MRE11: variants seen among roughly 807,000 people sequenced by gnomAD.
MRE11 encodes MRE11 double strand break repair nuclease.
In MRE11, 62 loss-of-function variants were observed where a neutral mutation model predicts 91.7. That is an observed-to-expected ratio of 0.68 (90% CI 0.55 to 0.84). The LOEUF (loss-of-function observed/expected upper bound fraction) is 0.84. Ranked by LOEUF, MRE11 falls within the 40% of genes least tolerant of loss-of-function variation. The probability of loss-of-function intolerance (pLI) is 0.00; values close to 1 mark genes in which losing one functional copy is unlikely to be tolerated. For synonymous variants in MRE11, 273 were observed against 271.4 expected, an observed-to-expected ratio of 1.01 and a Z score of -0.06; for missense variants, 796 against 852.9, an observed-to-expected ratio of 0.93 and a Z score of 0.83.
the MRE11 span, among the ~76,000 whole-genome samples, chr11:94,501,540 A>G: frequency 3.9e-5 from 6 of 152,208 alleles, no homozygotes; most frequent in East Asian, 5.8e-4. Flanking sequence ...TTTTTGCAGT[A>G]AGTCTTCAAA....
rs1239732918 is a variant in MRE11, at chr11:94,462,011, C to A, written c.1226-975G>T. Among the ~76,000 whole-genome samples the A allele has an allele frequency of 2.0e-5, 3 of 152,056 alleles. No homozygotes were observed. In the South Asian group the frequency reaches 6.2e-4, roughly 31 times the overall value. ...AATGGCGTGAACCTGGGAGGCGGAG[C>A]TTACAGTGAGCTGAGATCACGCCAC... On this transcript the variant is annotated intron_variant, in intron 11 of 19. Transcript: ENST00000323929.
the MRE11 span, among the ~76,000 whole-genome samples, chr11:94,500,846 C>G: frequency 2.6e-5 from 4 of 152,246 alleles, no homozygotes; most frequent in African/African-American, 9.6e-5. Flanking sequence ...TAACACTATG[C>G]TGGAAAATCA....
Position 94,471,648 on chromosome 11 carries a change from T to C in MRE11, c.771A>G (p.Glu257=), listed in dbSNP as rs13447632. The C allele has an allele frequency of 5.8e-4, 942 of 1,612,938 alleles. 4 individuals are homozygous for C. In the African/African-American group the frequency reaches 9.6e-3, roughly 16 times the overall value. ...HECKIAPTKN[E]QQLFYISQPG... ...GTTGTGAGATATAAAACAGCTGTTGTTCATTTTTGGTTGGAGCTATTTTAC... is the reference window on the plus strand; with the variant it reads ...GTTGTGAGATATAAAACAGCTGTTGCTCATTTTTGGTTGGAGCTATTTTAC... Residue 257 remains glutamate (E), a synonymous_variant, in exon 8 of 20, where the codon GAA becomes GAG. Transcript: ENST00000323929.
Position 94,437,161 on chromosome 11 carries a change from A to G in MRE11, c.1926+16T>C. ...CATAAATTATTAATACACAACCATA[A>G]AACTTTTTTTCTTACCTCTGAATAA... On this transcript the variant is annotated intron_variant, in intron 17 of 19. Transcript: ENST00000323929. The G allele has an allele frequency of 6.2e-7, 1 of 1,606,310 alleles. No individual in the cohort carries two copies. Among genetic ancestry groups the G allele is most frequent in the Non-Finnish European group, 8.5e-7 (1 of 1,174,158 alleles).
intron 19 of MRE11, among the ~76,000 whole-genome samples, chr11:94,421,180 T>C (rs1945161903): frequency 6.6e-6 from 1 of 152,234 alleles, no homozygotes; most frequent in East Asian, 1.9e-4. Context: ...TTTATGAAGA[T>C]AAAACCAATT....
In MRE11 at chr11:94,416,623, A is replaced by G. The variant is rs1367176070; in HGVS notation, c.*3502T>C. The G allele has an allele frequency of 6.6e-6, 1 of 151,358 alleles. No individual in the cohort carries two copies. The highest frequency in any genetic ancestry group is 1.5e-5 in the Non-Finnish European group (1 of 67,916). 9.4% of individuals were successfully genotyped at this position (151,358 alleles called of 1,614,324 possible). ...CACTTTGGGAGGCTGAGGTGGGTGG[A>G]TCACAAGGTCAGGAGATCGAGACCA... On this transcript the variant is annotated 3_prime_UTR_variant, in exon 20 of 20. Coordinates refer to ENST00000323929, the MANE Select transcript of MRE11 (RefSeq NM_005591.4).
intron 19 of MRE11, among the ~76,000 whole-genome samples, chr11:94,424,702 A>G: frequency 6.6e-6 from 1 of 152,220 alleles, no homozygotes; most frequent in East Asian, 1.9e-4. Context: ...TCATAATACA[A>G]CTGAAAGTAT....
chr11:94,450,250 A>G (rs1320539567), intron 14 of MRE11, among the ~76,000 whole-genome samples: 1 of 152,192 alleles, frequency 6.6e-6, no homozygotes, highest in Admixed American at 6.5e-5. Flanking sequence ...CTAATTTTGT[A>G]TTTCCCCTAG....
intron 14 of MRE11, 140 bp downstream of exon 14, chr11:94,456,136 C>G (rs1946242882): frequency 2.8e-6 from 2 of 708,184 alleles, no homozygotes; most frequent in Non-Finnish European, 4.9e-6. Flanking sequence ...CTGAAATCAA[C>G]CAAAAGCAGC....
At position 94,482,343 on chromosome 11, in the gene MRE11, T is replaced by C. The variant is rs371063125; in HGVS notation, c.315-2582A>G. Among the ~76,000 whole-genome samples the C allele has an allele frequency of 1.8e-4, 28 of 152,326 alleles. 2 individuals are homozygous for C. The highest frequency in any genetic ancestry group is 5.8e-4 in the African/African-American group (24 of 41,568). The stretch of plus-strand genomic sequence containing the variant: ...ACAGAACCAGGATTTGAACTCCAGC[T>C]GTTTTATACCGGAACCCATGCTCTT... On this transcript the variant is annotated intron_variant, in intron 4 of 19. Coordinates refer to ENST00000323929, the MANE Select transcript of MRE11 (RefSeq NM_005591.4).
rs1234342608 is a variant in MRE11, at chr11:94,419,845, T to G, written c.*280A>C. 3 of 276,046 alleles carry G rather than the reference T, an allele frequency of 1.1e-5. No homozygotes were observed. The South Asian group carries it at 2.9e-4, about 27-fold the overall frequency. The allele number at this position is 276,046 out of a possible 1,614,324, so 17.1% of individuals were successfully genotyped here. A position where few individuals can be genotyped will look rare whatever the true frequency, so the allele number is the denominator to read the frequency against. ...CAACTTTGGCTAAATGTAACCATAT[T>G]AAAATACTGACATAGTTTTTCATTA... On this transcript the variant is annotated 3_prime_UTR_variant, in exon 20 of 20. Coordinates refer to ENST00000323929, the MANE Select transcript of MRE11 (RefSeq NM_005591.4).
intron 14 of MRE11, among the ~76,000 whole-genome samples, chr11:94,452,417 C>A (rs1291704216): frequency 6.6e-6 from 1 of 151,932 alleles, no homozygotes; most frequent in Non-Finnish European, 1.5e-5. Flanking sequence ...TAATACATCA[C>A]GATGGTAAAG....
intron 19 of MRE11, among the ~76,000 whole-genome samples, chr11:94,427,839 A>T (rs770049204): frequency 1.3e-5 from 2 of 152,188 alleles, no homozygotes; most frequent in Non-Finnish European, 2.9e-5. Flanking sequence ...CTAACCAAGG[A>T]GGTGAAAGAT....
chr11:94,417,129 AC>A lies in MRE11; in HGVS notation c.*2995del, dbSNP rs1945049520. On this transcript the variant is annotated 3_prime_UTR_variant, in exon 20 of 20. Transcript: ENST00000323929. ...GTAGCTAAGATTACAGGCACACACC[AC>A]CATGCCCAGCTAATCTTTTGTATTT... is the stretch of plus-strand genomic sequence containing the variant. 1 of 159,076 alleles carries A rather than the reference AC, an allele frequency of 6.3e-6. No individual in the cohort carries two copies. The highest frequency in any genetic ancestry group is 6.5e-5 in the Admixed American group (1 of 15,406). 9.9% of individuals were successfully genotyped at this position (159,076 alleles called of 1,614,324 possible). A position where few individuals can be genotyped will look rare whatever the true frequency, so the allele number is the denominator to read the frequency against.
intron 7 of MRE11, 71 bp from the exon 8 acceptor site, chr11:94,471,830 T>A (rs1479632644): frequency 8.3e-7 from 1 of 1,200,012 alleles, no homozygotes; most frequent in Non-Finnish European, 1.2e-6. Context: ...TCTATACAGA[T>A]CTTTCTTTCT....
chr11:94,457,893 A>T (rs1288507009), intron 13 of MRE11, among the ~76,000 whole-genome samples: 2 of 144,274 alleles, frequency 1.4e-5, no homozygotes, highest in Admixed American at 7.1e-5. Flanking sequence ...TCTCTCACAC[A>T]CACACACACA....
rs375401639 is a variant in MRE11, at chr11:94,471,566, A to G, written c.845+8T>C. ...CTTAAAAATTGGCTCAAAATATATA[A>G]CACTCACTTCTTTACAGCTTCTCCT... On this transcript the variant is annotated splice_region_variant and intron_variant, in intron 8 of 19. Coordinates refer to ENST00000323929, the MANE Select transcript of MRE11 (RefSeq NM_005591.4). 22 of 1,611,710 alleles carry G rather than the reference A, an allele frequency of 1.4e-5. No individual in the cohort carries two copies. In the African/African-American group the frequency reaches 2.9e-4, roughly 22 times the overall value.
At chr11:94,452,965 A>C (rs550214003) in intron 14 of MRE11, among the ~76,000 whole-genome samples, 1 of 152,286 alleles carries the variant, frequency 6.6e-6, no homozygotes, top group Admixed American at 6.5e-5. Context: ...CTGAAACTCC[A>C]TACCTATTCA....
Position 94,445,867 on chromosome 11 carries a change from G to A in MRE11, c.1810C>T (p.Arg604Cys), listed in dbSNP as rs750926542. Reference protein sequence around the residue: ...RADTGLETSTRSRNSKTAVSA... With the variant: ...RADTGLETSTCSRNSKTAVSA... ...ACAGCAGTCTTTGAGTTCCTGCTACGGGTAGAAGTCTCCAGACCAGTGTCT... is the reference window on the plus strand; with the variant it reads ...ACAGCAGTCTTTGAGTTCCTGCTACAGGTAGAAGTCTCCAGACCAGTGTCT... The change falls in exon 16 of 20, where the codon CGT (arginine) becomes TGT (cysteine). Residue 604 changes from arginine to cysteine, a missense_variant. Arg to Cys is a radical substitution (Grantham distance 180). Coordinates refer to ENST00000323929, the MANE Select transcript of MRE11 (RefSeq NM_005591.4). The A allele has an allele frequency of 1.2e-5, 19 of 1,613,644 alleles. No individual in the cohort carries two copies. The highest frequency in any genetic ancestry group is 1.7e-4 in the Middle Eastern group (1 of 6,060).
Sources: gnomAD v4.1 joint callset for allele counts (sites outside exome capture counted in the v4.1 genomes callset) on GRCh38, gnomAD v4.1.1 for gene constraint, MANE v1.5 for transcripts, NCBI Gene and HGNC (gene_info 2026-07-23, HGNC 2026-07-21) for gene names.